TRAPPC9: variants seen among roughly 807,000 people sequenced by gnomAD.
TRAPPC9 encodes trafficking protein particle complex subunit 9.
In TRAPPC9, 83 loss-of-function variants were observed where a neutral mutation model predicts 124.0. That is an observed-to-expected ratio of 0.67 (90% CI 0.56 to 0.80). The LOEUF (loss-of-function observed/expected upper bound fraction) is 0.80. TRAPPC9 is among the 30% of genes least tolerant of loss of function. The pLI is 0.00. For missense variants in TRAPPC9, 1,302 were observed against 1,508.3 expected, an observed-to-expected ratio of 0.86 and a Z score of 2.27; for synonymous variants, 638 against 617.5, an observed-to-expected ratio of 1.03 and a Z score of -0.49.
intron 7 of TRAPPC9, among the ~76,000 whole-genome samples, chr8:140,394,959 C>T (rs932996117): frequency 2.0e-5 from 3 of 152,240 alleles, no homozygotes; most frequent in Non-Finnish European, 2.9e-5. Context: ...CACGTAGGTC[C>T]CCCAAAAAGC....
chr8:139,946,114 G>A (rs1253610419), intron 19 of TRAPPC9, among the ~76,000 whole-genome samples: 6 of 152,150 alleles, frequency 3.9e-5, no homozygotes, highest in African/African-American at 7.2e-5. Flanking sequence ...GTGGATATGC[G>A]GAATTTTCCA....
chr8:140,165,759 G>A (rs2061826671), intron 17 of TRAPPC9, among the ~76,000 whole-genome samples: 2 of 152,088 alleles, frequency 1.3e-5, no homozygotes, highest in African/African-American at 2.4e-5. Flanking sequence ...CAAGGCAGGA[G>A]CAGAGCCACA....
intron 7 of TRAPPC9, among the ~76,000 whole-genome samples, chr8:140,372,898 G>A (rs763826827): frequency 4.6e-5 from 7 of 152,106 alleles, no homozygotes; most frequent in Non-Finnish European, 1.0e-4. Flanking sequence ...CAGCCTCACC[G>A]GACTAAGACA....
chr8:140,295,915 T>C (rs2131796765), intron 11 of TRAPPC9, among the ~76,000 whole-genome samples: 1 of 152,328 alleles, frequency 6.6e-6, no homozygotes, highest in African/African-American at 2.4e-5. Context: ...TGGCTGAAAC[T>C]TGCGTTATAT....
intron 17 of TRAPPC9, among the ~76,000 whole-genome samples, chr8:140,091,994 C>A (rs1278202838): frequency 1.3e-5 from 2 of 151,434 alleles, no homozygotes; most frequent in South Asian, 2.1e-4. Context: ...CACCCCCAGC[C>A]CAGACCTCTG....
intron 21 of TRAPPC9, among the ~76,000 whole-genome samples, chr8:139,884,569 C>T (rs187951926): frequency 3.3e-5 from 5 of 152,350 alleles, no homozygotes; most frequent in Admixed American, 3.3e-4. Flanking sequence ...TCCCCCTGGG[C>T]CTGACCCCAT....
intron 17 of TRAPPC9, among the ~76,000 whole-genome samples, chr8:140,071,115 A>G (rs1424638481): frequency 6.6e-6 from 1 of 152,220 alleles, no homozygotes; most frequent in Non-Finnish European, 1.5e-5. Context: ...AGATGAAGAA[A>G]TGGAGGATCA....
intron 4 of TRAPPC9, 81 bp downstream of exon 4, chr8:140,435,031 C>G: frequency 6.2e-7 from 1 of 1,600,062 alleles, no homozygotes; most frequent in Admixed American, 1.7e-5. Context: ...TTAGTCCTAA[C>G]TCAAAGGAAA....
chr8:139,895,896 G>A (rs937906289), intron 20 of TRAPPC9, among the ~76,000 whole-genome samples: 1 of 152,234 alleles, frequency 6.6e-6, no homozygotes. Flanking sequence ...CAGCAGCCCC[G>A]TGCCTGCAGA....
At chr8:139,862,254 T>C (rs147262721) in intron 21 of TRAPPC9, among the ~76,000 whole-genome samples, 1 of 152,372 alleles carries the variant, frequency 6.6e-6, no homozygotes, top group Non-Finnish European at 1.5e-5. Flanking sequence ...GCTGCCTGTG[T>C]TTGCCCTGCC....
intron 18 of TRAPPC9, among the ~76,000 whole-genome samples, chr8:140,015,648 TA>T (rs35908289): frequency 2.0e-5 from 3 of 148,968 alleles, no homozygotes; most frequent in African/African-American, 7.4e-5. Context: ...ACAATAAAAA[TA>T]AAAAAAAAAT....
intron 15 of TRAPPC9, among the ~76,000 whole-genome samples, chr8:140,268,537 C>T (rs752050211): frequency 1.3e-4 from 20 of 152,192 alleles, no homozygotes; most frequent in Non-Finnish European, 1.3e-4. Flanking sequence ...CTCTACCATG[C>T]CGTCTATTTA....
At chr8:140,020,579 T>C (rs1839777070) in intron 18 of TRAPPC9, among the ~76,000 whole-genome samples, 2 of 152,016 alleles carry the variant, frequency 1.3e-5, no homozygotes, top group African/African-American at 4.8e-5. Flanking sequence ...TGAGCTATGA[T>C]GGTGCCAGTG....
intron 17 of TRAPPC9, among the ~76,000 whole-genome samples, chr8:140,108,067 C>T (rs941822857): frequency 1.4e-5 from 2 of 144,256 alleles, no homozygotes; most frequent in South Asian, 2.2e-4. Context: ...GGGTGATATC[C>T]GAACTCACAA....
chr8:140,330,279 T>C (rs1206515151), intron 9 of TRAPPC9, among the ~76,000 whole-genome samples: 1 of 152,078 alleles, frequency 6.6e-6, no homozygotes, highest in East Asian at 1.9e-4. Flanking sequence ...CCAGGTAGCA[T>C]AATGGTCTAC....
At chr8:140,028,257 C>T (rs938504506) in intron 17 of TRAPPC9, among the ~76,000 whole-genome samples, 12 of 152,044 alleles carry the variant, frequency 7.9e-5, no homozygotes, top group Admixed American at 2.6e-4. Context: ...TAAGATGTTC[C>T]CATCTGAGAG....
chr8:140,105,842 T>A (rs112622483), intron 17 of TRAPPC9, among the ~76,000 whole-genome samples: 77 of 152,258 alleles, frequency 5.1e-4, no homozygotes, highest in African/African-American at 1.7e-3. Context: ...CCAGAGGGTC[T>A]GTCCTCAGTG....
chr8:140,185,556 G>A (rs1235072068), intron 17 of TRAPPC9, among the ~76,000 whole-genome samples: 1 of 152,180 alleles, frequency 6.6e-6, no homozygotes, highest in East Asian at 1.9e-4. Context: ...CGAGTACAAG[G>A]TAGGCCATCA....
intron 5 of TRAPPC9, among the ~76,000 whole-genome samples, chr8:140,419,166 C>A (rs1228432369): frequency 1.3e-5 from 2 of 152,168 alleles, no homozygotes; most frequent in Admixed American, 6.5e-5. Flanking sequence ...CGGTGACTCG[C>A]GCCTGTAATC....
Sources: allele counts gnomAD v4.1 joint callset (sites outside exome capture counted in the v4.1 genomes callset), GRCh38; gene constraint gnomAD v4.1.1; transcripts MANE v1.5; gene names NCBI Gene and HGNC (gene_info 2026-07-23, HGNC 2026-07-21).